Variants in RP1 observed in about 807,000 individuals in gnomAD.
The protein encoded by RP1 is RP1 axonemal microtubule associated, also known as oxygen-regulated protein 1.
Under a neutral mutation model 14.8 loss-of-function variants are expected in RP1, and 16 were observed. The ratio of observed to expected loss-of-function variants is 1.08; its 90% CI spans 0.73 to 1.65. The LOEUF is 1.65. Ranked by LOEUF, RP1 falls within the 40% of genes most tolerant of loss-of-function variation. RP1 has a pLI of 0.00. For synonymous variants in RP1, 876 were observed against 883.6 expected, an observed-to-expected ratio of 0.99 and a Z score of 0.15; for missense variants, 2,631 against 2,535.0, an observed-to-expected ratio of 1.04 and a Z score of -0.81.
chr8:54,779,573 C>G (rs1319780290), intron 23 of RP1, among the ~76,000 whole-genome samples: 1 of 152,078 alleles, frequency 6.6e-6, no homozygotes. Context: ...ACAGAATACA[C>G]AGAATAAGGT....
Position 54,621,100 on chromosome 8 carries a change from A to AC in RP1, c.139dup (p.Gln47ProfsTer15), listed in dbSNP as rs751635650. 1.4e-5 allele frequency: 22 copies of AC among 1,613,836 alleles called. No homozygotes were observed. The highest frequency in any genetic ancestry group is 4.0e-5 in the African/African-American group (3 of 74,830). On this transcript the variant is annotated frameshift_variant, in exon 2 of 4. Coordinates refer to ENST00000220676, the MANE Select transcript of RP1 (RefSeq NM_006269.2). LOFTEE classifies it high-confidence loss of function. ...CGAATCAGTTTCTACAAGAGCGGAGACCCCCAATTCGGCGGGGTCAGGGTG... is the reference window on the plus strand; with the variant it reads ...CGAATCAGTTTCTACAAGAGCGGAGACCCCCCAATTCGGCGGGGTCAGGGTG...
chr8:54,669,954 C>A (rs1353593569), intron 7 of RP1, among the ~76,000 whole-genome samples: 1 of 152,066 alleles, frequency 6.6e-6, no homozygotes, highest in Non-Finnish European at 1.5e-5. Context: ...GTGCAGCAAA[C>A]CAACATGGCA....
At chr8:54,623,922 C>T (rs1805950590) in intron 3 of RP1, among the ~76,000 whole-genome samples, 1 of 152,138 alleles carries the variant, frequency 6.6e-6, no homozygotes. Flanking sequence ...AGTTTCAGTA[C>T]TGGTAAACAA....
At chr8:54,585,949 C>T (rs1252282840) in intron 1 of RP1, among the ~76,000 whole-genome samples, 6 of 152,180 alleles carry the variant, frequency 3.9e-5, no homozygotes, top group Non-Finnish European at 2.9e-5. Flanking sequence ...CGAACTTCCT[C>T]CTTTAGCTCG....
chr8:54,785,658 C>T (rs1810299598), intron 24 of RP1, among the ~76,000 whole-genome samples: 1 of 152,048 alleles, frequency 6.6e-6, no homozygotes, highest in Admixed American at 6.6e-5. Flanking sequence ...CAGCAATGTA[C>T]AAGGTTTCAT....
intron 24 of RP1, among the ~76,000 whole-genome samples, chr8:54,829,113 A>G (rs1349983810): frequency 6.6e-6 from 1 of 151,878 alleles, no homozygotes; most frequent in Non-Finnish European, 1.5e-5. Flanking sequence ...GGCTGATCTC[A>G]AACTCCTGTC....
intron 16 of RP1, among the ~76,000 whole-genome samples, chr8:54,725,338 T>G (rs1258452720): frequency 6.6e-6 from 1 of 152,200 alleles, no homozygotes; most frequent in African/African-American, 2.4e-5. Flanking sequence ...TGTCTCAGCA[T>G]TGCATTGTAT....
chr8:54,691,304 A>T lies in RP1; in HGVS notation c.1718-8163A>T, dbSNP rs562596575. Among the ~76,000 whole-genome samples, 4 of 152,192 alleles carry T rather than the reference A, an allele frequency of 2.6e-5. No individual in the cohort carries two copies. The South Asian group carries it at 8.3e-4, about 32-fold the overall frequency. On this transcript the variant is annotated intron_variant, in intron 12 of 22. Transcript: ENST00000636932. ...CAAAATTGGCAGGGCTTGGTGATAT[A>T]TTGGAAAAGGAATGTTAAGGGAAAA...
chr8:54,699,265 C>A (rs1010489505), intron 12 of RP1, among the ~76,000 whole-genome samples: 1 of 151,942 alleles, frequency 6.6e-6, no homozygotes, highest in Admixed American at 6.6e-5. Context: ...ATTTTATTCA[C>A]ATACATATAG....
At chr8:54,683,635 A>AC (rs1334098327) in intron 12 of RP1, among the ~76,000 whole-genome samples, 1 of 152,118 alleles carries the variant, frequency 6.6e-6, no homozygotes, top group African/African-American at 2.4e-5. Flanking sequence ...AATGCTTATG[A>AC]TTTTTGCACA....
intron 15 of RP1, among the ~76,000 whole-genome samples, chr8:54,709,568 A>T (rs546341129): frequency 6.6e-6 from 1 of 152,350 alleles, no homozygotes; most frequent in South Asian, 2.1e-4. Context: ...GAGATAGCCA[A>T]AATGGAGAAC....
chr8:54,606,655 C>G (rs201252519), intron 1 of RP1, among the ~76,000 whole-genome samples: 2 of 152,164 alleles, frequency 1.3e-5, no homozygotes, highest in African/African-American at 4.8e-5. Context: ...CTTGGTTGCA[C>G]TCTCCTCATC....
chr8:54,661,356 G>A (rs750567655), intron 6 of RP1, among the ~76,000 whole-genome samples: 22 of 146,700 alleles, frequency 1.5e-4, no homozygotes, highest in Middle Eastern at 3.5e-3. Context: ...GCACATGCCT[G>A]TAGTCCCAGC....
intron 1 of RP1, among the ~76,000 whole-genome samples, chr8:54,579,332 G>A (rs762378169): frequency 2.0e-5 from 3 of 152,166 alleles, no homozygotes; most frequent in Non-Finnish European, 4.4e-5. Flanking sequence ...TAGTCAGCAT[G>A]TTTTATATCC....
intron 12 of RP1, among the ~76,000 whole-genome samples, chr8:54,691,887 A>G (rs562375297): frequency 6.6e-6 from 1 of 152,090 alleles, no homozygotes; most frequent in Admixed American, 6.6e-5. Context: ...ACATATGTAT[A>G]CATGTGCCAT....
At chr8:54,818,586 A>G (rs1214149861) in intron 24 of RP1, among the ~76,000 whole-genome samples, 1 of 152,354 alleles carries the variant, frequency 6.6e-6, no homozygotes, top group East Asian at 1.9e-4. Flanking sequence ...TCAAGATGTC[A>G]GGCTCAGCTT....
chr8:54,779,944 G>A (rs1460874155), intron 23 of RP1, among the ~76,000 whole-genome samples: 1 of 152,206 alleles, frequency 6.6e-6, no homozygotes, highest in African/African-American at 2.4e-5. Flanking sequence ...AAACTCAGTG[G>A]CTGAAAACAA....
At chr8:54,836,642 C>T (rs533157348) in intron 24 of RP1, among the ~76,000 whole-genome samples, 7 of 152,142 alleles carry the variant, frequency 4.6e-5, no homozygotes, top group South Asian at 2.1e-4. Context: ...AGCTTGGAAG[C>T]GGAAGCTTCC....
intron 1 of RP1, among the ~76,000 whole-genome samples, chr8:54,608,586 G>A (rs111729794): frequency 6.6e-6 from 1 of 152,268 alleles, no homozygotes; most frequent in African/African-American, 2.4e-5. Flanking sequence ...GTGAAAATTA[G>A]AGAACTCCTA....
Sources: allele counts gnomAD v4.1 joint callset (sites outside exome capture counted in the v4.1 genomes callset), GRCh38; gene constraint gnomAD v4.1.1; transcripts MANE v1.5; gene names NCBI Gene and HGNC (gene_info 2026-07-23, HGNC 2026-07-21).